CSMD1: variants seen among roughly 807,000 people sequenced by gnomAD.
CSMD1 encodes the protein CUB and sushi domain-containing protein 1.
CSMD1 carries 213 observed loss-of-function variants against 417.5 expected under a neutral mutation model. That is an observed-to-expected ratio of 0.51 (90% CI 0.46 to 0.57). CSMD1 has a LOEUF of 0.57. Among genes scored for constraint, CSMD1 ranks in the 20% least tolerant of loss-of-function variants. CSMD1 has a pLI of 0.00. For missense variants in CSMD1, 6,923 were observed against 4,529.7 expected (o/e 1.53, Z -15.17); for synonymous variants, 2,862 against 1,736.8 (o/e 1.65, Z -16.11).
intron 51 of CSMD1, among the ~76,000 whole-genome samples, chr8:3,025,697 C>T (rs894717212): frequency 1.3e-5 from 2 of 152,172 alleles, no homozygotes; most frequent in Non-Finnish European, 1.5e-5. Context: ...GAGAATCCAG[C>T]CACCCTGTAT....
At chr8:4,256,638 G>C (rs563752968) in intron 3 of CSMD1, among the ~76,000 whole-genome samples, 3 of 152,226 alleles carry the variant, frequency 2.0e-5, no homozygotes, top group South Asian at 4.1e-4. Flanking sequence ...CCATGAAAGG[G>C]GGCGCCCCAA....
At chr8:3,720,834 G>T (rs1314243511) in intron 6 of CSMD1, among the ~76,000 whole-genome samples, 2 of 150,504 alleles carry the variant, frequency 1.3e-5, no homozygotes, top group African/African-American at 2.5e-5. Context: ...TTTTTTTTTC[G>T]AGAGTCTCGC....
chr8:4,347,651 A>T (rs1230257499), intron 3 of CSMD1, among the ~76,000 whole-genome samples: 1 of 152,190 alleles, frequency 6.6e-6, no homozygotes, highest in Non-Finnish European at 1.5e-5. Flanking sequence ...GGAGGAGTGT[A>T]ATTTCACATC....
chr8:4,217,763 T>C (rs996287263), intron 3 of CSMD1, among the ~76,000 whole-genome samples: 6 of 152,062 alleles, frequency 3.9e-5, no homozygotes, highest in African/African-American at 1.4e-4. Flanking sequence ...TACTGGAACA[T>C]TTAGGGCAGG....
intron 3 of CSMD1, among the ~76,000 whole-genome samples, chr8:4,264,205 G>A (rs1700082): frequency 4.6e-5 from 7 of 152,038 alleles, no homozygotes; most frequent in Middle Eastern, 3.4e-3. Context: ...GATTACCAAC[G>A]TGACTACAAT....
Position 4,036,625 on chromosome 8 carries a change from G to A in CSMD1, c.416-4526C>T, listed in dbSNP as rs57001787. On this transcript the variant is annotated intron_variant, in intron 3 of 69. Transcript: ENST00000635120. ...ATTAAGGCAGATGTTAGAAGCAGCG[G>A]ATGTCAAAGAAAAAACTAGACATCA... 3.9e-5 allele frequency among the ~76,000 whole-genome samples: 6 copies of A among 152,158 alleles called. No homozygotes were observed. The East Asian group carries it at 1.2e-3, about 29-fold the overall frequency.
At chr8:3,368,252 C>A (rs190129532) in intron 19 of CSMD1, among the ~76,000 whole-genome samples, 13 of 152,264 alleles carry the variant, frequency 8.5e-5, no homozygotes, top group African/African-American at 3.1e-4. Flanking sequence ...TAAAATGTAG[C>A]CATTTCATAT....
chr8:4,737,861 C>A (rs1810347781), intron 1 of CSMD1, among the ~76,000 whole-genome samples: 1 of 152,046 alleles, frequency 6.6e-6, no homozygotes, highest in Non-Finnish European at 1.5e-5. Context: ...AATATTGCAA[C>A]CCACAACAAC....
At chr8:4,546,015 G>C (rs774731614) in intron 2 of CSMD1, among the ~76,000 whole-genome samples, 2 of 152,056 alleles carry the variant, frequency 1.3e-5, no homozygotes, top group African/African-American at 4.8e-5. Flanking sequence ...ATCCACAGCT[G>C]CATCTACAGA....
chr8:3,868,322 G>C (rs1014295056), intron 5 of CSMD1, among the ~76,000 whole-genome samples: 9 of 152,068 alleles, frequency 5.9e-5, no homozygotes, highest in South Asian at 2.1e-4. Flanking sequence ...TTTTCACCCG[G>C]AGACATTTAT....
intron 1 of CSMD1, among the ~76,000 whole-genome samples, chr8:4,864,396 TA>T: frequency 6.6e-6 from 1 of 152,080 alleles, no homozygotes. Context: ...TTCAATGGTT[TA>T]AAAAATATCA....
intron 12 of CSMD1, among the ~76,000 whole-genome samples, chr8:3,437,428 A>G (rs988224745): frequency 1.3e-5 from 2 of 152,138 alleles, no homozygotes; most frequent in African/African-American, 4.8e-5. Flanking sequence ...GGCTGAATTA[A>G]ATGGGCTGTG....
At chr8:4,009,026 T>A (rs891134942) in intron 4 of CSMD1, among the ~76,000 whole-genome samples, 3 of 152,150 alleles carry the variant, frequency 2.0e-5, no homozygotes, top group Admixed American at 6.6e-5. Flanking sequence ...TCCATCAGAG[T>A]AATTATTTTT....
chr8:4,945,162 G>A (rs1808284801), intron 1 of CSMD1, among the ~76,000 whole-genome samples: 1 of 152,144 alleles, frequency 6.6e-6, no homozygotes, highest in Admixed American at 6.5e-5. Context: ...GAGAAATACT[G>A]AATGATCCCA....
rs182548931 is a variant in CSMD1, at chr8:4,444,476, C to T, written c.303-24411G>A. Reference sequence around the variant, plus strand: ...GAAAACCACCTGAGGAAGACATAAGCAGTCGCATTCAATTAGGATATATTT... The same window carrying T: ...GAAAACCACCTGAGGAAGACATAAGTAGTCGCATTCAATTAGGATATATTT... On this transcript the variant is annotated intron_variant, in intron 2 of 69. Transcript: ENST00000635120. Among the ~76,000 whole-genome samples, 22 of 150,080 alleles carry T rather than the reference C, an allele frequency of 1.5e-4. No individual in the cohort carries two copies. The East Asian group carries it at 3.0e-3, about 20-fold the overall frequency.
At chr8:4,920,954 GAAAGAAAGAAAGAAAGAAAGAAAGAAAC>G (rs199617194) in intron 1 of CSMD1, among the ~76,000 whole-genome samples, 1,788 of 10,184 alleles carry the variant, frequency 0.18, 244 homozygotes, top group Non-Finnish European at 0.24. Context: ...AAGAAAGAAA[GAAAGAAAGAAAGAAAGAAAGAAAGAAAC>G]AAAGAAAGAA....
chr8:3,407,515 G>C (rs535150286), intron 14 of CSMD1, among the ~76,000 whole-genome samples: 2 of 151,880 alleles, frequency 1.3e-5, no homozygotes, highest in South Asian at 4.2e-4. Context: ...ATGAATGAAA[G>C]GATACAGATG....
At chr8:4,222,393 TAAACAGAATA>T (rs1448339109) in intron 3 of CSMD1, among the ~76,000 whole-genome samples, 1 of 149,752 alleles carries the variant, frequency 6.7e-6, no homozygotes, top group Non-Finnish European at 1.5e-5. Context: ...TCTTATTCTG[TAAACAGAATA>T]AGAAGCTTCC....
intron 2 of CSMD1, among the ~76,000 whole-genome samples, chr8:4,424,268 A>T (rs1400476319): frequency 6.6e-6 from 1 of 152,062 alleles, no homozygotes; most frequent in African/African-American, 2.4e-5. Context: ...GCAGACTGGG[A>T]AAACACATTC....
Sources: gnomAD v4.1 joint callset for allele counts (sites outside exome capture counted in the v4.1 genomes callset) on GRCh38, gnomAD v4.1.1 for gene constraint, MANE v1.5 for transcripts, NCBI Gene and HGNC (gene_info 2026-07-23, HGNC 2026-07-21) for gene names.